CARS1: variants seen among roughly 807,000 people sequenced by gnomAD.
CARS1 encodes the protein cysteinyl-tRNA synthetase 1, also known as cysteine--tRNA ligase, cytoplasmic.
In CARS1, 48 loss-of-function variants were observed where a neutral mutation model predicts 106.2. The observed-to-expected ratio is 0.45, with a 90% CI of 0.36 to 0.57. The LOEUF is 0.57. Ranked by LOEUF, CARS1 falls within the 20% of genes least tolerant of loss-of-function variation. The pLI is 0.00. For synonymous variants in CARS1, 409 were observed against 403.4 expected, an observed-to-expected ratio of 1.01 and a Z score of -0.17; for missense variants, 968 against 1,057.2, an observed-to-expected ratio of 0.92 and a Z score of 1.17.
At chr11:3,015,941 G>A (rs1007713475) in intron 16 of CARS1, 92 bp from the exon 17 acceptor site, 2 of 1,084,674 alleles carry the variant, frequency 1.8e-6, no homozygotes, top group Admixed American at 3.6e-5. Context: ...GTTCACGGGA[G>A]GGGGTGCCCC....
At position 3,005,418 on chromosome 11, in the gene CARS1, A is replaced by C. The variant is rs1849760942; in HGVS notation, c.2165T>G (p.Val722Gly). 4 of 1,613,772 alleles carry C rather than the reference A, an allele frequency of 2.5e-6. No individual in the cohort carries two copies. The highest frequency in any genetic ancestry group is 3.4e-6 in the Non-Finnish European group (4 of 1,179,768). ...TAAGGTGTTTCTGTCTACCAGTTTC[A>C]CCACTGTGGGCAGTCCTGCAAAATA... ...FEDHEGLPTV[V>G]KLVDRNTLLK... Residue 722 changes from valine to glycine, a missense_variant, in exon 20 of 23, where the codon GTG becomes GGG. Coordinates refer to ENST00000380525, the MANE Select transcript of CARS1 (RefSeq NM_001014437.3).
At chr11:3,055,552 G>C (rs1238473810) in intron 1 of CARS1, among the ~76,000 whole-genome samples, 1 of 152,264 alleles carries the variant, frequency 6.6e-6, no homozygotes, top group Non-Finnish European at 1.5e-5. Context: ...ACTGGCTGGA[G>C]ATGCTGTGCG....
intron 14 of CARS1, 35 bp downstream of exon 14, chr11:3,018,373 C>T (rs750822353): frequency 3.5e-6 from 5 of 1,436,222 alleles, no homozygotes; most frequent in South Asian, 1.2e-5. Flanking sequence ...GGGGAGGCTG[C>T]TCCACCAACC....
chr11:3,054,319 T>C (rs1855981974), intron 1 of CARS1, among the ~76,000 whole-genome samples: 1 of 152,052 alleles, frequency 6.6e-6, no homozygotes, highest in Non-Finnish European at 1.5e-5. Flanking sequence ...GCATCCAACA[T>C]CCCTCACAAT....
At chr11:3,014,554 G>C (rs939563533) in intron 17 of CARS1, among the ~76,000 whole-genome samples, 3 of 152,242 alleles carry the variant, frequency 2.0e-5, no homozygotes, top group Non-Finnish European at 4.4e-5. Context: ...TTCAAAGGCA[G>C]GCTGACTTTA....
chr11:3,035,006 G>A (rs1207334438), intron 7 of CARS1, among the ~76,000 whole-genome samples: 1 of 152,054 alleles, frequency 6.6e-6, no homozygotes, highest in African/African-American at 2.4e-5. Context: ...GGCCAAACTG[G>A]CTTCTGTAAC....
intron 1 of CARS1, among the ~76,000 whole-genome samples, chr11:3,051,216 A>T (rs533673657): frequency 8.5e-5 from 13 of 152,342 alleles, no homozygotes; most frequent in Admixed American, 3.3e-4. Flanking sequence ...GAGACATAAG[A>T]ACAAGTCACT....
chr11:3,048,019 A>G lies in CARS1; in HGVS notation c.26-18T>C. 1 of 1,606,834 alleles carries G rather than the reference A, an allele frequency of 6.2e-7. No individual in the cohort carries two copies. Among genetic ancestry groups the G allele is most frequent in the South Asian group, 1.1e-5 (1 of 90,968 alleles). ...GTCAGGAGCTGCAAAGACAGAGGGCACATGGTGTCAGGCAGGCAGGCGGGC... is the reference window on the plus strand; with the variant it reads ...GTCAGGAGCTGCAAAGACAGAGGGCGCATGGTGTCAGGCAGGCAGGCGGGC... On this transcript the variant is annotated intron_variant, in intron 1 of 22. Transcript: ENST00000380525. This position sits in a 1 kb window ranked among gnomAD's most constrained non-coding sequence, Gnocchi z 5.1.
rs1854981647 is a variant in CARS1 at position 3,045,442 on chromosome 11, T to C, written c.274+2311A>G. The stretch of plus-strand genomic sequence containing the variant: ...ATCACGCCCGGCTAATTTTTTGTAT[T>C]TTTAGTAGAGACAGGTTGTCACCGA... On this transcript the variant is annotated intron_variant, in intron 2 of 22. Coordinates refer to ENST00000380525, the MANE Select transcript of CARS1 (RefSeq NM_001014437.3). The surrounding 1 kb of genome is among the most constrained non-coding windows in gnomAD (Gnocchi z 5.6). 1.3e-5 allele frequency among the ~76,000 whole-genome samples: 2 copies of C among 152,128 alleles called. No individual in the cohort carries two copies.
chr11:3,048,059 C>T lies in CARS1; in HGVS notation c.26-58G>A. On this transcript the variant is annotated intron_variant, in intron 1 of 22. Transcript: ENST00000380525. This position sits in a 1 kb window ranked among gnomAD's most constrained non-coding sequence, Gnocchi z 5.1. The stretch of plus-strand genomic sequence containing the variant: ...GGCAGGCGGGCAGCCCAGAGGCCGC[C>T]AGAAAGACAGGGACTAGGGGATGGC... 1 of 1,585,386 alleles carries T rather than the reference C, an allele frequency of 6.3e-7. No individual in the cohort carries two copies. The highest frequency in any genetic ancestry group is 1.1e-5 in the South Asian group (1 of 88,776).
rs1230127739 is a variant in CARS1, at chr11:3,047,905, T to C, written c.122A>G (p.Tyr41Cys). Residue 41 changes from tyrosine (Y) to cysteine (C), a missense_variant, in exon 2 of 23, where the codon TAC becomes TGC. By Grantham distance (194) the Tyr-to-Cys change is radical. Coordinates refer to ENST00000380525, the MANE Select transcript of CARS1 (RefSeq NM_001014437.3). ...GTCCACGTCTGCCTGGGACAGTGAG[T>C]ACCCCTGGACATAGCTACGCGTGCT... ...HLSTRSYVQG[Y>C]SLSQADVDAF... 2 of 1,614,030 alleles carry C rather than the reference T, an allele frequency of 1.2e-6. No homozygotes were observed. The highest frequency in any genetic ancestry group is 1.7e-5 in the Admixed American group (1 of 60,018).
At chr11:3,042,727 C>A (rs1234262629) in intron 2 of CARS1, among the ~76,000 whole-genome samples, 2 of 152,190 alleles carry the variant, frequency 1.3e-5, no homozygotes, top group African/African-American at 4.8e-5. Flanking sequence ...AAGGTATGGT[C>A]TGTTCTGCCG....
intron 21 of CARS1, 39 bp downstream of exon 21, chr11:3,002,502 T>C (rs945364884): frequency 6.2e-7 from 1 of 1,611,792 alleles, no homozygotes; most frequent in Admixed American, 1.7e-5. Context: ...GGTGCACTCC[T>C]GCCCAGTAGA....
Position 3,028,237 on chromosome 11 carries a change from A to G in CARS1, c.1031+759T>C. 1 of 399,186 alleles carries G rather than the reference A, an allele frequency of 2.5e-6. No individual in the cohort carries two copies. The highest frequency in any genetic ancestry group is 4.7e-6 in the Non-Finnish European group (1 of 213,220). The allele number at this position is 399,186 out of a possible 1,614,324, so 24.7% of individuals were successfully genotyped here. Reference sequence around the variant, plus strand: ...CCTTACCTATCATTGAAGATGGCTCACTCTCCTTAACCTACCCCTTTGTCT... The same window carrying G: ...CCTTACCTATCATTGAAGATGGCTCGCTCTCCTTAACCTACCCCTTTGTCT... On this transcript the variant is annotated intron_variant, in intron 9 of 22. Transcript: ENST00000380525. This position sits in a 1 kb window ranked among gnomAD's most constrained non-coding sequence, Gnocchi z 4.4.
Position 3,017,871 on chromosome 11 carries a change from T to C in CARS1, c.1713A>G (p.Ala571=), listed in dbSNP as rs1292793541. The change falls in exon 15 of 23, where the codon GCA becomes GCG. Residue 571 remains alanine (A), a synonymous_variant. Coordinates refer to ENST00000380525, the MANE Select transcript of CARS1 (RefSeq NM_001014437.3). This position sits in a 1 kb window ranked among gnomAD's most constrained non-coding sequence, Gnocchi z 4.9. Reference sequence around the variant, plus strand: ...CACCACCTTACTTCTTATTCAGTTCTGCTTCTTCTTCTCCCCACTTCTCAA... The same window carrying C: ...CACCACCTTACTTCTTATTCAGTTCCGCTTCTTCTTCTCCCCACTTCTCAA... ...GQFEKWGEEE[A]ELNKNFYDKK... 9 of 1,611,870 alleles carry C rather than the reference T, an allele frequency of 5.6e-6. No individual in the cohort carries two copies. The highest frequency in any genetic ancestry group is 7.6e-6 in the Non-Finnish European group (9 of 1,177,920).
chr11:3,036,460 G>A (rs1342404267), intron 7 of CARS1, among the ~76,000 whole-genome samples: 3 of 152,086 alleles, frequency 2.0e-5, no homozygotes, highest in East Asian at 1.9e-4. Flanking sequence ...AGCCATTAAG[G>A]AAATGCAAAC....
chr11:3,049,938 G>A (rs969369209), intron 1 of CARS1, among the ~76,000 whole-genome samples: 1 of 152,132 alleles, frequency 6.6e-6, no homozygotes, highest in East Asian at 1.9e-4. Flanking sequence ...AAAGCCCTTC[G>A]TGTCAGGCCA....
intron 14 of CARS1, 180 bp from the exon 15 acceptor site, chr11:3,018,134 G>T (rs1047803123): frequency 3.9e-5 from 24 of 616,560 alleles, no homozygotes; most frequent in African/African-American, 3.7e-4. Context: ...CTTGCTTTAG[G>T]TTTACAGATG....
chr11:3,011,601 G>A (rs1024585718), intron 18 of CARS1, among the ~76,000 whole-genome samples: 6 of 152,186 alleles, frequency 3.9e-5, no homozygotes, highest in Admixed American at 2.6e-4. Context: ...GAGACAGAGT[G>A]AGACTCCATC....
Sources: allele counts gnomAD v4.1 joint callset (sites outside exome capture counted in the v4.1 genomes callset), GRCh38; gene constraint gnomAD v4.1.1; non-coding constraint Gnocchi (gnomAD v3.1); transcripts MANE v1.5; gene names NCBI Gene and HGNC (gene_info 2026-07-23, HGNC 2026-07-21).